HSF4: variants seen among roughly 807,000 people sequenced by gnomAD.
HSF4 encodes the protein heat shock factor protein 4.
In HSF4, 41 loss-of-function variants were observed where a neutral mutation model predicts 52.0. The ratio of observed to expected loss-of-function variants is 0.79; its 90% CI spans 0.61 to 1.02. The LOEUF (loss-of-function observed/expected upper bound fraction) is 1.02. Among genes scored for constraint, HSF4 ranks in the 50% least tolerant of loss-of-function variants. The pLI is 0.00. For synonymous variants in HSF4, 285 were observed against 273.0 expected (o/e 1.04, Z -0.43); for missense variants, 610 against 651.1 (o/e 0.94, Z 0.69).
rs1161530054 is a variant in HSF4, at chr16:67,165,810, C to T, written c.324C>T (p.Arg108=). ...HVEFQHPSFV[R]GREQLLERVR... is the part of the protein sequence containing the mutation. ...AGTTCCAGCACCCGAGCTTCGTGCG[C>T]GGCCGCGAGCAGCTACTGGAGCGCG... The change falls in exon 3 of 13, where the codon CGC becomes CGT. Residue 108 remains arginine, a synonymous_variant. Transcript: ENST00000521374. The surrounding 1 kb of genome is among the most constrained non-coding windows in gnomAD (Gnocchi z 6.9). The T allele has an allele frequency of 1.9e-6, 3 of 1,607,704 alleles. No individual in the cohort carries two copies. The highest frequency in any genetic ancestry group is 2.2e-5 in the East Asian group (1 of 44,844).
At position 67,167,801 on chromosome 16, in the gene HSF4, C is replaced by A; in HGVS notation, c.936C>A (p.Asn312Lys). ...DGEAGLALAP[N>K]ECDFCVTAPP... is the part of the protein sequence containing the mutation. The stretch of plus-strand genomic sequence containing the variant: ...AGGCCGGGCTGGCCCTGGCCCCAAA[C>A]GAGTGTGACTTCTGCGTGACAGCCC... Residue 312 changes from asparagine to lysine, a missense_variant, in exon 9 of 13, where the codon AAC (asparagine) becomes AAA (lysine). Coordinates refer to ENST00000521374, the MANE Select transcript of HSF4 (RefSeq NM_001374675.1). The A allele has an allele frequency of 1.3e-6, 2 of 1,597,686 alleles. No individual in the cohort carries two copies. The highest frequency in any genetic ancestry group is 1.7e-6 in the Non-Finnish European group (2 of 1,172,660).
Position 67,167,851 on chromosome 16 carries a change from T to G in HSF4, c.986T>G (p.Val329Gly), listed in dbSNP as rs754409469. 3 of 1,604,852 alleles carry G rather than the reference T, an allele frequency of 1.9e-6. No individual in the cohort carries two copies. The African/African-American group carries it at 4.0e-5, about 21-fold the overall frequency. The change falls in exon 9 of 13, where the codon GTG becomes GGG. Residue 329 changes from valine (V) to glycine (G), a missense_variant. Physicochemically the swap from Val to Gly is moderately radical, Grantham distance 109. Transcript: ENST00000521374. ...TAPPPLPVAV[V>G]QAILEGKGSF... ...CCCCCGCCACTGCCTGTGGCTGTGG[T>G]GCAGGCCATCCTGGAAGGGAAAGGG... is the stretch of plus-strand genomic sequence containing the variant.
Position 67,165,795 on chromosome 16 carries a change from C to G in HSF4, c.309C>G (p.His103Gln). ...AGCGCGACCACGTCGAGTTCCAGCA[C>G]CCGAGCTTCGTGCGCGGCCGCGAGC... is the stretch of plus-strand genomic sequence containing the variant. ...RPERDHVEFQ[H>Q]PSFVRGREQL... The change falls in exon 3 of 13, where the codon CAC becomes CAG. Residue 103 changes from histidine to glutamine, a missense_variant. By Grantham distance (24) the His-to-Gln change is conservative (BLOSUM62 0). Transcript: ENST00000521374. The surrounding 1 kb of genome is among the most constrained non-coding windows in gnomAD (Gnocchi z 6.9). 6.2e-7 allele frequency: 1 copy of G among 1,609,404 alleles called. No individual in the cohort carries two copies. Among genetic ancestry groups the G allele is most frequent in the Admixed American group, 1.7e-5 (1 of 59,970 alleles).
At chr16:67,167,307 A>C (rs747546711) in intron 7 of HSF4, 85 bp downstream of exon 7, 2 of 1,609,654 alleles carry the variant, frequency 1.2e-6, no homozygotes, top group Non-Finnish European at 1.7e-6. Flanking sequence ...TAAAAGGAAG[A>C]GAAGATGGAA....
intron 10 of HSF4, 23 bp downstream of exon 10, chr16:67,168,959 C>T (rs1354122125): frequency 1.2e-6 from 2 of 1,612,696 alleles, no homozygotes; most frequent in Non-Finnish European, 1.7e-6. Context: ...TCTGCTGAAA[C>T]AGGGGCATGA....
At position 67,167,198 on chromosome 16, in the gene HSF4, G is replaced by A. The variant is rs1356269943; in HGVS notation, c.705G>A (p.Leu235=). The change falls in exon 7 of 13, where the codon CTG becomes CTA. Residue 235 remains leucine (L), a synonymous_variant. Transcript: ENST00000521374. ...FNTCPLPGAL[L]QDPYFIQSPL... ...CCTGCCCTCTACCTGGTGCCCTTCTGCAGGACCCCTACTTCATCCAGTCGG... is the reference window on the plus strand; with the variant it reads ...CCTGCCCTCTACCTGGTGCCCTTCTACAGGACCCCTACTTCATCCAGTCGG... 6.2e-7 allele frequency: 1 copy of A among 1,614,162 alleles called. No homozygotes were observed. Among genetic ancestry groups the A allele is most frequent in the Non-Finnish European group, 8.5e-7 (1 of 1,180,016 alleles).
At chr16:67,166,296 A>G (rs1483114232) in intron 4 of HSF4, 24 bp from the exon 5 acceptor site, 21 of 1,605,054 alleles carry the variant, frequency 1.3e-5, no homozygotes, top group Non-Finnish European at 1.8e-5. Context: ...CAGATGCCTC[A>G]GCACCCTCCC....
chr16:67,169,780 C>T lies in HSF4; in HGVS notation c.1474C>T (p.Pro492Ser), dbSNP rs762494184. The change falls in exon 13 of 13, where the codon CCC becomes TCC. Residue 492 changes from proline (P) to serine (S), a missense_variant. Pro to Ser is a moderately conservative substitution (Grantham distance 74). Transcript: ENST00000521374. This position sits in a 1 kb window ranked among gnomAD's most constrained non-coding sequence, Gnocchi z 4.3. ...CTTGGGCCCGGAAGCCAGTCCCTCC[C>T]CCTAAGACCCCGCGCCTCTGAAGGG... is the stretch of plus-strand genomic sequence containing the variant. Reference protein sequence around the residue: ...SYLGPEASPSP With the variant: ...SYLGPEASPSS 3.7e-6 allele frequency: 6 copies of T among 1,613,164 alleles called. No homozygotes were observed. Among genetic ancestry groups the T allele is most frequent in the Admixed American group, 3.3e-5 (2 of 60,030 alleles).
chr16:67,164,972 G>T, intron 1 of HSF4, 38 bp downstream of exon 1: 1 of 1,558,998 alleles, frequency 6.4e-7, no homozygotes. Context: ...CTGTGGTCCC[G>T]GGGTCCCTCC....
chr16:67,164,520 G>C, upstream of HSF4: 1 of 632,478 alleles, frequency 1.6e-6, no homozygotes, highest in South Asian at 1.5e-5. Context: ...ACCGAGAGGG[G>C]TGGGACTCGA....
rs2031588704 is a variant in HSF4 at position 67,169,491 on chromosome 16, C to T, written c.1325-140C>T. 2 of 1,579,976 alleles carry T rather than the reference C, an allele frequency of 1.3e-6. No homozygotes were observed. The highest frequency in any genetic ancestry group is 2.7e-5 in the African/African-American group (2 of 74,378). ...GAGCGTTCCTTGAGCCACCCATGCC[C>T]TCACCATTGGGCGAGAGTGGGGAGG... On this transcript the variant is annotated intron_variant, in intron 12 of 12. Coordinates refer to ENST00000521374, the MANE Select transcript of HSF4 (RefSeq NM_001374675.1). The surrounding 1 kb of genome is among the most constrained non-coding windows in gnomAD (Gnocchi z 4.3).
chr16:67,166,508 G>A (rs373573708), intron 5 of HSF4, 50 bp from the exon 6 acceptor site: 19 of 1,607,596 alleles, frequency 1.2e-5, no homozygotes, highest in East Asian at 2.2e-5. Context: ...AAGTGCGGGG[G>A]TGGGGGGGCT....
At chr16:67,164,723 C>A, upstream of HSF4, 8 of 1,440,634 alleles carry the variant, frequency 5.6e-6, no homozygotes, top group Non-Finnish European at 5.5e-6. Context: ...CGGAGTAGGG[C>A]GGAGCGGGCG....
Position 67,164,774 on chromosome 16 carries a change from GGCCGGGCCCGAGCGCAGA to G in HSF4, c.-29_-12del. 1 of 1,570,474 alleles carries G rather than the reference GGCCGGGCCCGAGCGCAGA, an allele frequency of 6.4e-7. No individual in the cohort carries two copies. Among genetic ancestry groups the G allele is most frequent in the Non-Finnish European group, 8.6e-7 (1 of 1,167,330 alleles). Reference sequence around the variant, plus strand: ...TCCGCGGCTTTGACGAGCCCGCAGCGGCCGGGCCCGAGCGCAGAGCCGGGCCGAGACTGCACCATGCAG... The same window carrying G: ...TCCGCGGCTTTGACGAGCCCGCAGCGGCCGGGCCGAGACTGCACCATGCAG... On this transcript the variant is annotated 5_prime_UTR_variant, in exon 1 of 13. Transcript: ENST00000521374.
Position 67,169,566 on chromosome 16 carries a change from C to G in HSF4, c.1325-65C>G. The G allele has an allele frequency of 1.3e-6, 2 of 1,599,204 alleles. No individual in the cohort carries two copies. Among genetic ancestry groups the G allele is most frequent in the Middle Eastern group, 1.8e-4 (1 of 5,576 alleles). The stretch of plus-strand genomic sequence containing the variant: ...CTGAGCAGAAGGCAGGCGGGCAGGG[C>G]TCTCCTTCCCTGAAGAAAGGAGGGG... On this transcript the variant is annotated intron_variant, in intron 12 of 12. Transcript: ENST00000521374. The surrounding 1 kb of genome is among the most constrained non-coding windows in gnomAD (Gnocchi z 4.3).
rs1391086286 is a variant in HSF4 at position 67,167,134 on chromosome 16, A to G, written c.641A>G (p.Asp214Gly). Reference protein sequence around the residue: ...GGKRKLSLMLDEGSSCPTPAK... With the variant: ...GGKRKLSLMLGEGSSCPTPAK... ...CGACCACACAGGTCCCTGATGCTGG[A>G]TGAGGGGAGCTCATGCCCAACACCT... Residue 214 changes from aspartate (D) to glycine (G), a missense_variant, in exon 7 of 13, where the codon GAT becomes GGT. By Grantham distance (94) the Asp-to-Gly change is moderately conservative. Coordinates refer to ENST00000521374, the MANE Select transcript of HSF4 (RefSeq NM_001374675.1). 6.2e-7 allele frequency: 1 copy of G among 1,614,010 alleles called. No individual in the cohort carries two copies. Among genetic ancestry groups the G allele is most frequent in the African/African-American group, 1.3e-5 (1 of 74,896 alleles).
rs759109686 is a variant in HSF4 at position 67,166,587 on chromosome 16, G to A, written c.591G>A (p.Gln197=). Residue 197 remains glutamine (Q), a synonymous_variant, in exon 6 of 13, where the codon CAG becomes CAA. Transcript: ENST00000521374. ...KLIQCLFGPL[Q]AGPSNAGGKR... ...TCCAGTGTCTCTTTGGGCCACTTCA[G>A]GCGGGGCCGAGCAATGCAGGAGGCA... is the stretch of plus-strand genomic sequence containing the variant. 6 of 1,613,822 alleles carry A rather than the reference G, an allele frequency of 3.7e-6. No individual in the cohort carries two copies. The highest frequency in any genetic ancestry group is 5.1e-6 in the Non-Finnish European group (6 of 1,179,986).
chr16:67,166,620 G>A lies in HSF4; in HGVS notation c.624G>A (p.Lys208=). Reference sequence around the variant, plus strand: ...CGAGCAATGCAGGAGGCAAGAGAAAGCTGTGAGTGAGAAAGCCAAGAAGGC... The same window carrying A: ...CGAGCAATGCAGGAGGCAAGAGAAAACTGTGAGTGAGAAAGCCAAGAAGGC... ...AGPSNAGGKR[K]LSLMLDEGSS... is the part of the protein sequence containing the mutation. The change falls in exon 6 of 13, where the codon AAG becomes AAA. Residue 208 remains lysine (K), a splice_region_variant and synonymous_variant. Transcript: ENST00000521374. The A allele has an allele frequency of 6.2e-7, 1 of 1,613,818 alleles. No individual in the cohort carries two copies. The highest frequency in any genetic ancestry group is 8.5e-7 in the Non-Finnish European group (1 of 1,179,946).
At chr16:67,166,417 G>A (rs1250356501) in intron 5 of HSF4, 22 bp downstream of exon 5, 2 of 1,602,806 alleles carry the variant, frequency 1.2e-6, no homozygotes, top group Non-Finnish European at 8.5e-7. Flanking sequence ...CCCAAGCCTC[G>A]CTTCTCCCTC....
Sources: gnomAD v4.1 joint callset for allele counts on GRCh38, gnomAD v4.1.1 for gene constraint, Gnocchi (gnomAD v3.1) non-coding constraint, MANE v1.5 for transcripts, NCBI Gene and HGNC (gene_info 2026-07-23, HGNC 2026-07-21) for gene names.